The following KCNN2 variants were observed in gnomAD, a reference collection of about 807,000 sequenced individuals.
KCNN2 encodes potassium calcium-activated channel subfamily N member 2, also known as small conductance calcium-activated potassium channel protein 2.
KCNN2 carries 24 observed loss-of-function variants against 55.5 expected under a neutral mutation model. The observed-to-expected ratio is 0.43, with a 90% CI of 0.31 to 0.61. The LOEUF (loss-of-function observed/expected upper bound fraction) is 0.61. KCNN2 is among the 20% of genes least tolerant of loss of function. The probability of loss-of-function intolerance (pLI) is 0.08; values close to 1 mark genes in which losing one functional copy is unlikely to be tolerated. For synonymous variants in KCNN2, 431 were observed against 336.1 expected (o/e 1.28, Z -3.09); for missense variants, 754 against 853.6 (o/e 0.88, Z 1.45).
intron 3 of KCNN2, among the ~76,000 whole-genome samples, chr5:114,449,443 T>G (rs1760553364): frequency 6.6e-6 from 1 of 152,230 alleles, no homozygotes; most frequent in East Asian, 1.9e-4. Context: ...AATAGAGTAC[T>G]TGCTGAATAT....
intron 2 of KCNN2, among the ~76,000 whole-genome samples, chr5:114,287,693 C>T (rs1015211022): frequency 4.0e-5 from 6 of 151,594 alleles, no homozygotes; most frequent in Admixed American, 1.3e-4. Flanking sequence ...TGCAGTAAAC[C>T]GCCATGGCAC....
At chr5:114,227,885 T>G (rs758914966) in intron 2 of KCNN2, among the ~76,000 whole-genome samples, 3 of 151,992 alleles carry the variant, frequency 2.0e-5, no homozygotes, top group Non-Finnish European at 2.9e-5. Flanking sequence ...ATATATATAG[T>G]AGGTGAATAT....
intron 1 of KCNN2, among the ~76,000 whole-genome samples, chr5:114,090,145 C>G (rs771418354): frequency 6.6e-6 from 1 of 152,054 alleles, no homozygotes; most frequent in Non-Finnish European, 1.5e-5. Context: ...CAAAGGCAAT[C>G]GTATGGATTT....
chr5:114,495,720 A>T (rs1748081499), intron 7 of KCNN2, among the ~76,000 whole-genome samples, 175 bp from the exon 8 acceptor site: 1 of 152,214 alleles, frequency 6.6e-6, no homozygotes, highest in African/African-American at 2.4e-5. Flanking sequence ...TCGATTATAA[A>T]TCCTGGCATT....
chr5:114,368,138 C>T (rs1429832221), intron 2 of KCNN2, among the ~76,000 whole-genome samples: 1 of 151,984 alleles, frequency 6.6e-6, no homozygotes, highest in African/African-American at 2.4e-5. Context: ...CTGTAAAACC[C>T]TCATACAGAC....
At chr5:114,293,007 C>T (rs1456386050) in intron 2 of KCNN2, among the ~76,000 whole-genome samples, 3 of 151,948 alleles carry the variant, frequency 2.0e-5, no homozygotes, top group Admixed American at 6.6e-5. Context: ...GTTATTGGTG[C>T]ATAAGAATGC....
At chr5:114,399,315 G>T (rs188904721) in intron 2 of KCNN2, among the ~76,000 whole-genome samples, 24 of 152,108 alleles carry the variant, frequency 1.6e-4, no homozygotes, top group Admixed American at 5.2e-4. Flanking sequence ...TGTGTTCAGG[G>T]TAGTATGGCC....
intron 1 of KCNN2, among the ~76,000 whole-genome samples, chr5:114,220,127 C>T (rs114795043): frequency 2.6e-3 from 389 of 152,152 alleles, no homozygotes; most frequent in African/African-American, 9.0e-3. Context: ...AAAAACTGGC[C>T]GTGTAAAACA....
chr5:114,092,035 TA>T (rs1474192763), intron 1 of KCNN2, among the ~76,000 whole-genome samples: 1 of 152,210 alleles, frequency 6.6e-6, no homozygotes, highest in East Asian at 1.9e-4. Flanking sequence ...CCTAAAGTCT[TA>T]ATTCATTCCA....
At chr5:114,293,929 A>T (rs1161443641) in intron 2 of KCNN2, among the ~76,000 whole-genome samples, 1 of 152,162 alleles carries the variant, frequency 6.6e-6, no homozygotes, top group Non-Finnish European at 1.5e-5. Flanking sequence ...GGGAGGGTGT[A>T]TGTGTGGAGG....
intron 1 of KCNN2, among the ~76,000 whole-genome samples, chr5:114,181,809 G>T (rs2112554020): frequency 6.6e-6 from 1 of 152,192 alleles, no homozygotes; most frequent in South Asian, 2.1e-4. Flanking sequence ...CTGAGGTCAG[G>T]AGTTCGAGAC....
intron 5 of KCNN2, among the ~76,000 whole-genome samples, chr5:114,484,220 G>T (rs1380356425): frequency 6.6e-6 from 1 of 152,094 alleles, no homozygotes; most frequent in African/African-American, 2.4e-5. Context: ...GAGAGTTTCT[G>T]AAAGCCCTGG....
Position 114,449,891 on chromosome 5 carries a change from C to T in KCNN2, c.1638-13158C>T, listed in dbSNP as rs1021111347. On this transcript the variant is annotated intron_variant, in intron 3 of 7. Transcript: ENST00000673685. ...AAGCATCCAAACATACACACACACA[C>T]ACACACACACACACACACGCGCGCG... 6.3e-5 allele frequency among the ~76,000 whole-genome samples: 5 copies of T among 79,124 alleles called. No homozygotes were observed. The East Asian group carries it at 0.011, about 174-fold the overall frequency. 51.9% of individuals were successfully genotyped at this position (79,124 alleles called of 152,430 possible).
chr5:114,275,861 C>T lies in KCNN2; in HGVS notation c.-185+54296C>T, dbSNP rs544636999. Among the ~76,000 whole-genome samples, 5 of 152,042 alleles carry T rather than the reference C, an allele frequency of 3.3e-5. No homozygotes were observed. The East Asian group carries it at 9.7e-4, about 29-fold the overall frequency. On this transcript the variant is annotated intron_variant, in intron 2 of 10. Coordinates refer to the KCNN2 transcript ENST00000512097. The stretch of plus-strand genomic sequence containing the variant: ...TGCTCTGATCTCATTCTTTTCCTGT[C>T]TTCTGCTAGCTTTTGAATTTGTTTG...
At chr5:114,434,043 T>C (rs1477695272) in intron 3 of KCNN2, 1 of 152,234 alleles carries the variant, frequency 6.6e-6, no homozygotes, top group African/African-American at 2.4e-5. Flanking sequence ...TATTTTTCTT[T>C]ATTTTCTGTT....
intron 2 of KCNN2, among the ~76,000 whole-genome samples, chr5:114,402,623 AG>A (rs1338944419): frequency 6.6e-6 from 1 of 152,164 alleles, no homozygotes; most frequent in Non-Finnish European, 1.5e-5. Flanking sequence ...TATCAAATAG[AG>A]GGTATTTCCT....
intron 6 of KCNN2, chr5:114,488,940 C>G (rs144976249): frequency 6.6e-6 from 1 of 152,126 alleles, no homozygotes; most frequent in Non-Finnish European, 1.5e-5. Context: ...TGAGATGACA[C>G]GGCAGTGAGC....
At position 114,162,493 on chromosome 5, in the gene KCNN2, G is replaced by A. The variant is rs143962478; in HGVS notation, c.-270-58987G>A. On this transcript the variant is annotated intron_variant, in intron 1 of 10. Transcript: ENST00000512097. ...CAGTCTGCCCTTTCTCAGATCTCAG[G>A]CTGTGTGCTGGGAGAACCACTACTC... is the stretch of plus-strand genomic sequence containing the variant. Among the ~76,000 whole-genome samples, 230 of 152,264 alleles carry A rather than the reference G, an allele frequency of 1.5e-3. 1 individual carries two copies. Among genetic ancestry groups the A allele is most frequent in the African/African-American group, 5.1e-3 (212 of 41,570 alleles).
chr5:114,468,068 C>T (rs901453800), intron 4 of KCNN2, among the ~76,000 whole-genome samples: 1 of 152,132 alleles, frequency 6.6e-6, no homozygotes, highest in African/African-American at 2.4e-5. Context: ...CACACTCTCC[C>T]CTCTTTTCTT....
Sources: allele counts gnomAD v4.1 joint callset (sites outside exome capture counted in the v4.1 genomes callset), GRCh38; gene constraint gnomAD v4.1.1; transcripts MANE v1.5; gene names NCBI Gene and HGNC (gene_info 2026-07-23, HGNC 2026-07-21).